SUPT3H: variants seen among roughly 807,000 people sequenced by gnomAD.
SUPT3H encodes SPT3 homolog, SAGA and STAGA complex component.
SUPT3H carries 44 observed loss-of-function variants against 44.3 expected under a neutral mutation model. That is an observed-to-expected ratio of 0.99 (90% confidence interval 0.78 to 1.28). The LOEUF (loss-of-function observed/expected upper bound fraction) is 1.28. SUPT3H is among the 50% of genes most tolerant of loss of function. The pLI is 0.00. For synonymous variants in SUPT3H, 124 were observed against 125.6 expected (o/e 0.99, Z 0.09); for missense variants, 380 against 387.1 (o/e 0.98, Z 0.15).
At chr6:45,312,064 T>C (rs1784046538) in intron 2 of SUPT3H, among the ~76,000 whole-genome samples, 1 of 152,150 alleles carries the variant, frequency 6.6e-6, no homozygotes, top group South Asian at 2.1e-4. Context: ...CAACCAATTA[T>C]CTGCTGCCTT....
intron 2 of SUPT3H, among the ~76,000 whole-genome samples, chr6:45,232,148 A>G (rs933073182): frequency 6.6e-6 from 1 of 152,146 alleles, no homozygotes; most frequent in Non-Finnish European, 1.5e-5. Flanking sequence ...CCTAACATTG[A>G]TATCTGCACA....
In SUPT3H at chr6:44,857,467, T is replaced by C. The variant is rs142605852; in HGVS notation, c.913-27610A>G. Among the ~76,000 whole-genome samples, 331 of 152,326 alleles carry C rather than the reference T, an allele frequency of 2.2e-3. 1 individual carries two copies. Among genetic ancestry groups the C allele is most frequent in the African/African-American group, 7.6e-3 (316 of 41,584 alleles). ...TTAAAAAAAATCCATATCAATTGGA[T>C]TGATTTTTAATGTCTATGTTTAGCT... On this transcript the variant is annotated intron_variant, in intron 10 of 10. Transcript: ENST00000371459.
Position 45,365,203 on chromosome 6 carries a change from C to G in SUPT3H, c.99G>C (p.Met33Ile), listed in dbSNP as rs1168392102. The G allele has an allele frequency of 6.9e-6, 11 of 1,597,222 alleles. No individual in the cohort carries two copies. Among genetic ancestry groups the G allele is most frequent in the Non-Finnish European group, 9.4e-6 (11 of 1,167,928 alleles). Residue 33 changes from methionine (M) to isoleucine (I), a missense_variant and splice_region_variant, in exon 2 of 11, where the codon ATG becomes ATC. Physicochemically the swap from Met to Ile is conservative, Grantham distance 10. Coordinates refer to ENST00000371459, the MANE Select transcript of SUPT3H (RefSeq NM_003599.4). ...SISFATELQS[M>I]MYSLGDARRP... ...ATAGCATGCAGGGACATACTTACAT[C>G]ATACTCTGTAATTCTGTTGCAAAGC...
chr6:45,229,125 T>C (rs1767484412), intron 2 of SUPT3H, among the ~76,000 whole-genome samples: 1 of 152,210 alleles, frequency 6.6e-6, no homozygotes, highest in East Asian at 1.9e-4. Flanking sequence ...GGAATCCTTT[T>C]TTATAAAAAT....
chr6:44,939,879 G>A (rs1394392559), intron 9 of SUPT3H, among the ~76,000 whole-genome samples: 2 of 133,546 alleles, frequency 1.5e-5, no homozygotes, highest in Non-Finnish European at 3.2e-5. Context: ...TCTTTTGTAT[G>A]TTTGTGGTAT....
intron 10 of SUPT3H, among the ~76,000 whole-genome samples, chr6:44,867,745 A>G (rs2153428456): frequency 6.6e-6 from 1 of 152,288 alleles, no homozygotes; most frequent in East Asian, 1.9e-4. Context: ...CTAAGTGCAC[A>G]TTAGCTGCTG....
At chr6:45,041,689 C>T (rs1788556171) in intron 3 of SUPT3H, among the ~76,000 whole-genome samples, 1 of 152,156 alleles carries the variant, frequency 6.6e-6, no homozygotes, top group African/African-American at 2.4e-5. Context: ...TTACCTTCCA[C>T]CTTCTTTTTC....
intron 2 of SUPT3H, among the ~76,000 whole-genome samples, chr6:45,146,687 C>A (rs1427710706): frequency 6.6e-6 from 1 of 152,104 alleles, no homozygotes; most frequent in Non-Finnish European, 1.5e-5. Context: ...CTAATAATCA[C>A]TACAAAAGGT....
chr6:45,002,041 T>C (rs1782075672), intron 6 of SUPT3H, among the ~76,000 whole-genome samples: 2 of 152,120 alleles, frequency 1.3e-5, no homozygotes, highest in African/African-American at 4.8e-5. Context: ...ATTTTTGTTA[T>C]GATACAAAGC....
chr6:44,881,982 G>T (rs762169134), intron 10 of SUPT3H, among the ~76,000 whole-genome samples: 1 of 151,992 alleles, frequency 6.6e-6, no homozygotes, highest in Non-Finnish European at 1.5e-5. Flanking sequence ...AAGAACTAGA[G>T]AAGCAAGAGC....
intron 2 of SUPT3H, among the ~76,000 whole-genome samples, chr6:45,162,565 T>TA (rs1809189532): frequency 6.6e-6 from 1 of 152,162 alleles, no homozygotes; most frequent in South Asian, 2.1e-4. Flanking sequence ...TAAAGATAAT[T>TA]AGACTCAACA....
intron 10 of SUPT3H, among the ~76,000 whole-genome samples, chr6:44,881,876 AGC>A (rs1238228333): frequency 1.3e-5 from 2 of 152,230 alleles, no homozygotes; most frequent in Non-Finnish European, 2.9e-5. Flanking sequence ...TCTGGGACAC[AGC>A]TAAAGCAGTG....
intron 7 of SUPT3H, among the ~76,000 whole-genome samples, chr6:44,958,313 C>T (rs1775514392): frequency 6.6e-6 from 1 of 152,132 alleles, no homozygotes; most frequent in South Asian, 2.1e-4. Flanking sequence ...TTGCAATATT[C>T]CATTCTCTCA....
chr6:44,937,558 C>T (rs562880814), intron 9 of SUPT3H, among the ~76,000 whole-genome samples: 1 of 152,036 alleles, frequency 6.6e-6, no homozygotes, highest in African/African-American at 2.4e-5. Flanking sequence ...CAACAGTGTA[C>T]ATGAGTTCCC....
At chr6:45,333,968 A>G (rs1788036976) in intron 2 of SUPT3H, among the ~76,000 whole-genome samples, 1 of 151,282 alleles carries the variant, frequency 6.6e-6, no homozygotes, top group Non-Finnish European at 1.5e-5. Flanking sequence ...TACATACGCA[A>G]TTTCGATAAT....
intron 2 of SUPT3H, among the ~76,000 whole-genome samples, chr6:45,224,760 A>G (rs532521236): frequency 1.1e-4 from 17 of 151,592 alleles, no homozygotes; most frequent in Middle Eastern, 3.4e-3. Flanking sequence ...CCTGGGCGAA[A>G]GAGTGAGACT....
chr6:45,375,585 G>T (rs1003339443), intron 1 of SUPT3H, among the ~76,000 whole-genome samples: 8 of 148,510 alleles, frequency 5.4e-5, no homozygotes, highest in African/African-American at 2.0e-4. Context: ...TCCCTCTGCA[G>T]CCCAGGCTGG....
At chr6:45,369,311 T>G (rs1462336585) in intron 1 of SUPT3H, among the ~76,000 whole-genome samples, 2 of 152,136 alleles carry the variant, frequency 1.3e-5, no homozygotes, top group East Asian at 3.8e-4. Flanking sequence ...TCTCTCAACC[T>G]ACCCAAACTC....
chr6:45,231,404 A>C (rs113478679), intron 2 of SUPT3H, among the ~76,000 whole-genome samples: 5,042 of 152,310 alleles, frequency 0.033, 122 homozygotes, highest in Non-Finnish European at 0.05. Flanking sequence ...CTTTGAGCAC[A>C]TTAAATATAT....
Sources: allele counts gnomAD v4.1 joint callset (sites outside exome capture counted in the v4.1 genomes callset), GRCh38; gene constraint gnomAD v4.1.1; transcripts MANE v1.5; gene names NCBI Gene and HGNC (gene_info 2026-07-23, HGNC 2026-07-21).